ADCY5: variants seen among roughly 807,000 people sequenced by gnomAD.
The protein encoded by ADCY5 is adenylate cyclase type 5.
A neutral mutation model predicts 119.7 loss-of-function variants in ADCY5; 30 were observed. The observed-to-expected ratio is 0.25, with a 90% CI of 0.19 to 0.34. The LOEUF (loss-of-function observed/expected upper bound fraction) is 0.34. ADCY5 is among the 10% of genes least tolerant of loss of function. ADCY5 has a pLI of 1.00. For synonymous variants in ADCY5, 753 were observed against 762.2 expected, an observed-to-expected ratio of 0.99 and a Z score of 0.20; for missense variants, 1,324 against 1,775.2, an observed-to-expected ratio of 0.75 and a Z score of 4.57.
At chr3:123,390,456 G>A (rs892396608) in intron 1 of ADCY5, among the ~76,000 whole-genome samples, 11 of 152,240 alleles carry the variant, frequency 7.2e-5, no homozygotes, top group Admixed American at 2.0e-4. Flanking sequence ...GAGCTCTGCT[G>A]CCAGGTGAAC....
intron 17 of ADCY5, 78 bp downstream of exon 17, chr3:123,296,006 C>T: frequency 1.9e-6 from 3 of 1,574,360 alleles, no homozygotes. Context: ...CTTGGCCTGG[C>T]CCAGCAGACG....
intron 10 of ADCY5, among the ~76,000 whole-genome samples, chr3:123,318,763 T>C (rs959193996): frequency 1.3e-5 from 2 of 152,064 alleles, no homozygotes; most frequent in Non-Finnish European, 2.9e-5. Context: ...AACTGAACCC[T>C]GGGGAGATGC....
chr3:123,391,501 G>A (rs531221898), intron 1 of ADCY5, among the ~76,000 whole-genome samples: 6 of 152,160 alleles, frequency 3.9e-5, no homozygotes, highest in East Asian at 1.9e-4. Context: ...GACTGAGGGC[G>A]GCCAATGGAG....
At chr3:123,411,299 A>C (rs1380278996) in intron 1 of ADCY5, among the ~76,000 whole-genome samples, 1 of 152,168 alleles carries the variant, frequency 6.6e-6, no homozygotes, top group Non-Finnish European at 1.5e-5. Flanking sequence ...AGAGCAAAAC[A>C]AGTGTCTGGC....
Position 123,303,043 on chromosome 3 carries a change from T to A in ADCY5, c.2724+12A>T. On this transcript the variant is annotated intron_variant, in intron 14 of 20. Coordinates refer to ENST00000462833, the MANE Select transcript of ADCY5 (RefSeq NM_183357.3). ...CTTCAGCACTCCCTTCCAGCCCCTGTGCACCCAGTACCTCGGGGAAGTTGC... is the reference window on the plus strand; with the variant it reads ...CTTCAGCACTCCCTTCCAGCCCCTGAGCACCCAGTACCTCGGGGAAGTTGC... 6.2e-7 allele frequency: 1 copy of A among 1,613,070 alleles called. No individual in the cohort carries two copies. Among genetic ancestry groups the A allele is most frequent in the South Asian group, 1.1e-5 (1 of 90,954 alleles).
Position 123,304,146 on chromosome 3 carries a change from A to G in ADCY5, c.2480T>C (p.Ile827Thr). ...PSPLQTLSRKIVRSKMNSTLV... is the reference protein window; with the variant it reads ...PSPLQTLSRKTVRSKMNSTLV... Reference sequence around the variant, plus strand: ...GGTGCTGTTCATCTTGGACCGCACGATCTTCCTGGAGAGGGTCTGCAGTGG... The same window carrying G: ...GGTGCTGTTCATCTTGGACCGCACGGTCTTCCTGGAGAGGGTCTGCAGTGG... Residue 827 changes from isoleucine (I) to threonine (T), a missense_variant, in exon 13 of 21, where the codon ATC becomes ACC. Coordinates refer to ENST00000462833, the MANE Select transcript of ADCY5 (RefSeq NM_183357.3). 7.0e-7 allele frequency: 1 copy of G among 1,438,474 alleles called. No homozygotes were observed. The highest frequency in any genetic ancestry group is 9.3e-7 in the Non-Finnish European group (1 of 1,070,186). The allele number at this position is 1,438,474 out of a possible 1,614,324, so 89.1% of individuals were successfully genotyped here. A position where few individuals can be genotyped will look rare whatever the true frequency, so the allele number is the denominator to read the frequency against.
At chr3:123,321,524 C>T (rs1941217196) in intron 8 of ADCY5, among the ~76,000 whole-genome samples, 1 of 152,228 alleles carries the variant, frequency 6.6e-6, no homozygotes, top group Middle Eastern at 3.4e-3. Flanking sequence ...GAGGCTTCCC[C>T]ACTGTGGGGA....
Position 123,347,773 on chromosome 3 carries a change from C to T in ADCY5, c.1406+9G>A. The T allele has an allele frequency of 6.2e-7, 1 of 1,613,982 alleles. No individual in the cohort carries two copies. The highest frequency in any genetic ancestry group is 8.5e-7 in the Non-Finnish European group (1 of 1,179,908). On this transcript the variant is annotated intron_variant, in intron 3 of 20. Coordinates refer to ENST00000462833, the MANE Select transcript of ADCY5 (RefSeq NM_183357.3). ...CCCTTCCATCCTCCTCCCCCAGCTTCACCCCTACCTCACGTTGTCATGTTT... is the reference window on the plus strand; with the variant it reads ...CCCTTCCATCCTCCTCCCCCAGCTTTACCCCTACCTCACGTTGTCATGTTT...
chr3:123,344,487 C>T (rs1011472563), intron 3 of ADCY5, among the ~76,000 whole-genome samples: 1 of 152,180 alleles, frequency 6.6e-6, no homozygotes, highest in Non-Finnish European at 1.5e-5. Context: ...CTCTTTGCAA[C>T]CCTATTAAGT....
At chr3:123,319,917 T>G (rs1941130963) in intron 9 of ADCY5, 99 bp from the exon 10 acceptor site, 2 of 1,489,450 alleles carry the variant, frequency 1.3e-6, no homozygotes, top group East Asian at 2.4e-5. Flanking sequence ...CGGAGAGGCC[T>G]GGCAGCTGTC....
chr3:123,328,697 G>T lies in ADCY5; in HGVS notation c.1752C>A (p.Val584=), dbSNP rs1941612968. 1 of 1,614,232 alleles carries T rather than the reference G, an allele frequency of 6.2e-7. No homozygotes were observed. Among genetic ancestry groups the T allele is most frequent in the African/African-American group, 1.3e-5 (1 of 75,074 alleles). The change falls in exon 6 of 21, where the codon GTC becomes GTA. Residue 584 remains valine, a synonymous_variant. Coordinates refer to ENST00000462833, the MANE Select transcript of ADCY5 (RefSeq NM_183357.3). ...VLGLRKWQFD[V]WSNDVTLANH... is the part of the protein sequence containing the mutation. ...TGGCTAGCGTGACATCGTTAGACCAGACGTCGAACTGCCACTTCCTGAGAC... is the reference window on the plus strand; with the variant it reads ...TGGCTAGCGTGACATCGTTAGACCATACGTCGAACTGCCACTTCCTGAGAC...
chr3:123,434,291 T>C (rs1576694780), intron 1 of ADCY5, among the ~76,000 whole-genome samples: 1 of 152,236 alleles, frequency 6.6e-6, no homozygotes, highest in African/African-American at 2.4e-5. Context: ...CACATCAGCA[T>C]CACAGGTCTG....
chr3:123,426,934 C>T (rs1945427715), intron 1 of ADCY5, among the ~76,000 whole-genome samples: 1 of 152,160 alleles, frequency 6.6e-6, no homozygotes, highest in Non-Finnish European at 1.5e-5. Context: ...AGGAAGGAGG[C>T]TGTCATGGGA....
intron 1 of ADCY5, among the ~76,000 whole-genome samples, chr3:123,426,306 T>TG (rs1196894466): frequency 1.3e-4 from 1 of 7,846 alleles, no homozygotes; most frequent in East Asian, 0.026. Context: ...TGTGTTTTTT[T>TG]TTTGTTTGTT....
At chr3:123,338,021 C>T (rs1467225517) in intron 3 of ADCY5, among the ~76,000 whole-genome samples, 1 of 152,202 alleles carries the variant, frequency 6.6e-6, no homozygotes, top group Non-Finnish European at 1.5e-5. Context: ...ATGCACGGAA[C>T]CAGTGGCTGA....
chr3:123,359,993 A>G (rs1420540154), intron 1 of ADCY5, among the ~76,000 whole-genome samples: 1 of 152,124 alleles, frequency 6.6e-6, no homozygotes. Context: ...ATCTTAAATT[A>G]TATACTCTTA....
chr3:123,342,254 G>C (rs903197022), intron 3 of ADCY5, among the ~76,000 whole-genome samples: 8 of 152,178 alleles, frequency 5.3e-5, no homozygotes, highest in East Asian at 1.9e-4. Context: ...TGAGTATCTC[G>C]GACATTGTCG....
chr3:123,430,937 G>A (rs996281784), intron 1 of ADCY5, among the ~76,000 whole-genome samples: 5 of 152,172 alleles, frequency 3.3e-5, no homozygotes, highest in African/African-American at 1.2e-4. Flanking sequence ...CAGTGGACAG[G>A]AAGGAAATCC....
intron 1 of ADCY5, among the ~76,000 whole-genome samples, chr3:123,414,306 G>C (rs1945134279): frequency 6.6e-6 from 1 of 152,200 alleles, no homozygotes; most frequent in Admixed American, 6.5e-5. Context: ...TTACTGTGCA[G>C]CTCTGTGGGA....
Sources: gnomAD v4.1 joint callset for allele counts (sites outside exome capture counted in the v4.1 genomes callset) on GRCh38, gnomAD v4.1.1 for gene constraint, MANE v1.5 for transcripts, NCBI Gene and HGNC (gene_info 2026-07-23, HGNC 2026-07-21) for gene names.